ANKRD6: variants seen among roughly 807,000 people sequenced by gnomAD.
ANKRD6 encodes ankyrin repeat domain 6.
Under a neutral mutation model 82.3 loss-of-function variants are expected in ANKRD6, and 56 were observed. The observed-to-expected ratio is 0.68, with a 90% CI of 0.55 to 0.85. The LOEUF is 0.85. Among genes scored for constraint, ANKRD6 ranks in the 40% least tolerant of loss-of-function variants. The pLI is 0.00. For synonymous variants in ANKRD6, 347 were observed against 352.1 expected, an observed-to-expected ratio of 0.99 and a Z score of 0.16; for missense variants, 852 against 907.6, an observed-to-expected ratio of 0.94 and a Z score of 0.79.
chr6:89,491,404 C>T (rs890890709), intron 1 of ANKRD6, among the ~76,000 whole-genome samples: 9 of 152,246 alleles, frequency 5.9e-5, no homozygotes, highest in African/African-American at 9.6e-5. Context: ...CCCCTGAAGC[C>T]GTCCATACAA....
intron 13 of ANKRD6, 86 bp from the exon 14 acceptor site, chr6:89,627,497 T>TC (rs1407484224): frequency 2.5e-6 from 3 of 1,218,034 alleles, no homozygotes; most frequent in Non-Finnish European, 3.5e-6. Context: ...CCTACTTGGT[T>TC]CCCCAAGCCC....
chr6:89,487,957 T>C lies in ANKRD6; in HGVS notation c.-144+54582T>C, dbSNP rs1210131660. Among the ~76,000 whole-genome samples, 16 of 152,382 alleles carry C rather than the reference T, an allele frequency of 1.0e-4. No individual in the cohort carries two copies. In the South Asian group the frequency reaches 1.2e-3, roughly 12 times the overall value. On this transcript the variant is annotated intron_variant, in intron 1 of 15. Transcript: ENST00000339746. ...ATCACTTATTTCATTGTATTTACTT[T>C]TACTTTTCCACAAAGAAATTGCTGC...
chr6:89,629,675 A>G (rs571493544), intron 15 of ANKRD6, among the ~76,000 whole-genome samples: 24 of 152,366 alleles, frequency 1.6e-4, no homozygotes, highest in African/African-American at 4.8e-4. Flanking sequence ...AGCAGTTCTT[A>G]CATAGAACTT....
intron 1 of ANKRD6, among the ~76,000 whole-genome samples, chr6:89,506,134 A>T (rs549624831): frequency 7.2e-5 from 11 of 152,154 alleles, no homozygotes; most frequent in African/African-American, 1.9e-4. Context: ...TGGAGATCCA[A>T]TGTGCAGCAT....
rs1202237469 is a variant in ANKRD6, at chr6:89,633,174, C to T, written c.*2170C>T. 6.6e-6 allele frequency: 1 copy of T among 152,108 alleles called. No homozygotes were observed. Among genetic ancestry groups the T allele is most frequent in the Non-Finnish European group, 1.5e-5 (1 of 68,014 alleles). The allele number at this position is 152,108 out of a possible 1,614,324, so 9.4% of individuals were successfully genotyped here. Reference sequence around the variant, plus strand: ...CAAAAGGACCTAGTGTGGCTTACTACATGGATCTTGTCTCTTGGAGGTCTG... The same window carrying T: ...CAAAAGGACCTAGTGTGGCTTACTATATGGATCTTGTCTCTTGGAGGTCTG... On this transcript the variant is annotated 3_prime_UTR_variant, in exon 16 of 16. Coordinates refer to ENST00000339746, the MANE Select transcript of ANKRD6 (RefSeq NM_001242809.2).
At chr6:89,517,161 C>T (rs1180669353) in intron 1 of ANKRD6, among the ~76,000 whole-genome samples, 2 of 152,226 alleles carry the variant, frequency 1.3e-5, no homozygotes, top group East Asian at 1.9e-4. Context: ...TAAGCCACCA[C>T]GCCTGGCCAG....
intron 1 of ANKRD6, among the ~76,000 whole-genome samples, chr6:89,511,216 G>A (rs1463486883): frequency 6.6e-6 from 1 of 152,174 alleles, no homozygotes; most frequent in Admixed American, 6.6e-5. Flanking sequence ...GACCTCACTG[G>A]ATTCCTTCTC....
chr6:89,456,263 G>C (rs1368757670), intron 1 of ANKRD6, among the ~76,000 whole-genome samples: 1 of 152,166 alleles, frequency 6.6e-6, no homozygotes, highest in Non-Finnish European at 1.5e-5. Flanking sequence ...TTACATTTCA[G>C]CATGAGATTT....
chr6:89,571,481 T>C (rs986975328), intron 2 of ANKRD6, among the ~76,000 whole-genome samples: 3 of 152,216 alleles, frequency 2.0e-5, no homozygotes, highest in Non-Finnish European at 4.4e-5. Flanking sequence ...CCTTTGCCTA[T>C]TGTTTAATCT....
chr6:89,588,963 A>G (rs1794329103), intron 2 of ANKRD6, among the ~76,000 whole-genome samples: 2 of 142,584 alleles, frequency 1.4e-5, no homozygotes, highest in African/African-American at 5.2e-5. Flanking sequence ...ACTGCACTCC[A>G]GCCTGGGTGA....
chr6:89,616,917 A>G, intron 8 of ANKRD6: 1 of 616,436 alleles, frequency 1.6e-6, no homozygotes, highest in African/African-American at 1.8e-5. Context: ...AAAAGAACTC[A>G]GGGATGTCCA....
At chr6:89,479,560 CT>C (rs937717803) in intron 1 of ANKRD6, among the ~76,000 whole-genome samples, 1 of 149,978 alleles carries the variant, frequency 6.7e-6, no homozygotes, top group African/African-American at 2.4e-5. Context: ...TGCATAAAGC[CT>C]TTTTCCATAA....
At chr6:89,541,385 G>C (rs1784426557) in intron 1 of ANKRD6, among the ~76,000 whole-genome samples, 1 of 129,244 alleles carries the variant, frequency 7.7e-6, no homozygotes, top group Admixed American at 8.7e-5. Flanking sequence ...TTTTACGTGT[G>C]GCTTTTTTTT....
At chr6:89,531,193 C>T (rs1442817969) in intron 1 of ANKRD6, among the ~76,000 whole-genome samples, 4 of 152,316 alleles carry the variant, frequency 2.6e-5, no homozygotes, top group East Asian at 1.9e-4. Context: ...GTCTGGGAAT[C>T]GAGCCAAAGT....
intron 1 of ANKRD6, among the ~76,000 whole-genome samples, chr6:89,541,591 A>G (rs891252467): frequency 4.6e-5 from 7 of 151,474 alleles, no homozygotes; most frequent in African/African-American, 1.7e-4. Flanking sequence ...ACGGGATTTC[A>G]CTGTGTTGGC....
At chr6:89,577,838 G>T (rs183287968) in intron 2 of ANKRD6, among the ~76,000 whole-genome samples, 337 of 152,246 alleles carry the variant, frequency 2.2e-3, no homozygotes, top group Non-Finnish European at 3.9e-3. Context: ...CAACAAAAAT[G>T]CTGGTCCTTG....
intron 1 of ANKRD6, among the ~76,000 whole-genome samples, chr6:89,461,996 C>G (rs1374572721): frequency 2.0e-5 from 3 of 152,026 alleles, no homozygotes; most frequent in Non-Finnish European, 4.4e-5. Flanking sequence ...CTTTGGGAGG[C>G]CAAGGTGGGC....
chr6:89,494,275 G>T (rs907643108), intron 1 of ANKRD6, among the ~76,000 whole-genome samples: 5 of 152,220 alleles, frequency 3.3e-5, no homozygotes, highest in African/African-American at 1.2e-4. Flanking sequence ...CAGGATTCCT[G>T]CTGAAGGCAG....
intron 1 of ANKRD6, among the ~76,000 whole-genome samples, chr6:89,434,540 C>T (rs1446504958): frequency 6.6e-6 from 1 of 152,116 alleles, no homozygotes; most frequent in Non-Finnish European, 1.5e-5. Context: ...AGGCTGTAAG[C>T]TTTGACCTCC....
Sources: allele counts gnomAD v4.1 joint callset (sites outside exome capture counted in the v4.1 genomes callset), GRCh38; gene constraint gnomAD v4.1.1; transcripts MANE v1.5; gene names NCBI Gene and HGNC (gene_info 2026-07-23, HGNC 2026-07-21).